Variants in OR2L13 observed in about 807,000 individuals in gnomAD.
The protein encoded by OR2L13 is olfactory receptor family 2 subfamily L member 13.
Under a neutral mutation model 15.3 loss-of-function variants are expected in OR2L13, and 14 were observed. That is an observed-to-expected ratio of 0.91 (90% CI 0.60 to 1.43). OR2L13 has a LOEUF of 1.43. OR2L13 is among the 40% of genes most tolerant of loss of function. OR2L13 has a pLI of 0.00. For synonymous variants in OR2L13, 152 were observed against 142.9 expected, an observed-to-expected ratio of 1.06 and a Z score of -0.45; for missense variants, 367 against 387.9, an observed-to-expected ratio of 0.95 and a Z score of 0.45.
the OR2L13 span, among the ~76,000 whole-genome samples, chr1:248,072,350 C>G: frequency 6.6e-6 from 1 of 152,188 alleles, no homozygotes; most frequent in African/African-American, 2.4e-5. Context: ...TGATCTTTGA[C>G]AAACCTGAGA....
At chr1:248,068,910 G>C in the OR2L13 span, among the ~76,000 whole-genome samples, 10 of 152,224 alleles carry the variant, frequency 6.6e-5, no homozygotes, top group Admixed American at 6.5e-5. Context: ...GAAGTGAGAA[G>C]GGAAGTTTAG....
the OR2L13 span, among the ~76,000 whole-genome samples, chr1:247,956,387 A>G: frequency 6.6e-6 from 1 of 151,684 alleles, no homozygotes; most frequent in African/African-American, 2.4e-5. Flanking sequence ...TGATGCCTCC[A>G]GCTTTGTTCT....
the OR2L13 span, chr1:248,022,386 T>C: frequency 6.2e-7 from 1 of 1,614,136 alleles, no homozygotes; most frequent in Non-Finnish European, 8.5e-7. Context: ...GATAACAGGA[T>C]CTTGGATGAT....
chr1:247,998,497 C>T, the OR2L13 span, among the ~76,000 whole-genome samples: 1 of 152,044 alleles, frequency 6.6e-6, no homozygotes, highest in Non-Finnish European at 1.5e-5. Flanking sequence ...ATGTCATGCT[C>T]ATTATAATCT....
the OR2L13 span, among the ~76,000 whole-genome samples, chr1:248,044,630 C>T: frequency 1.7e-5 from 2 of 119,612 alleles, 1 homozygote; most frequent in East Asian, 4.9e-4. Flanking sequence ...GGTGAAACCC[C>T]GTCTCTACTA....
the OR2L13 span, among the ~76,000 whole-genome samples, chr1:247,973,031 G>C: frequency 6.6e-6 from 1 of 152,138 alleles, no homozygotes; most frequent in Non-Finnish European, 1.5e-5. Context: ...AAAACCACAT[G>C]ATTATCTTGA....
chr1:248,071,258 C>T, the OR2L13 span, among the ~76,000 whole-genome samples: 2 of 152,090 alleles, frequency 1.3e-5, no homozygotes, highest in Non-Finnish European at 2.9e-5. Flanking sequence ...TCCAGCAGCA[C>T]ATCAAAAAGC....
chr1:247,997,586 G>A, the OR2L13 span, among the ~76,000 whole-genome samples: 1 of 152,162 alleles, frequency 6.6e-6, no homozygotes. Flanking sequence ...ATTAGTGAAT[G>A]CAGACACATT....
At chr1:248,026,601 G>C in the OR2L13 span, among the ~76,000 whole-genome samples, 7 of 152,160 alleles carry the variant, frequency 4.6e-5, no homozygotes, top group Admixed American at 4.6e-4. Flanking sequence ...CGGGAAGTCA[G>C]GACCCCGAAT....
chr1:248,095,712 T>TTCTTCTGCC, upstream of OR2L13, among the ~76,000 whole-genome samples: 1 of 147,196 alleles, frequency 6.8e-6, no homozygotes, highest in Non-Finnish European at 1.5e-5. Context: ...GTTCAAGTGA[T>TTCTTCTGCC]TCTTCTGCCT....
chr1:247,980,065 A>T, the OR2L13 span, among the ~76,000 whole-genome samples: 1 of 152,128 alleles, frequency 6.6e-6, no homozygotes, highest in African/African-American at 2.4e-5. Flanking sequence ...AAATGGACTA[A>T]TGTTACTTTT....
chr1:248,033,609 GT>G, the OR2L13 span, among the ~76,000 whole-genome samples: 117,856 of 136,122 alleles, frequency 0.87, 51,292 homozygotes, highest in South Asian at 0.93. Context: ...GCTAATTTTT[GT>G]TTTTTTTTTT....
Position 248,099,633 on chromosome 1 carries a change from C to T in OR2L13, c.258C>T (p.Ser86=), listed in dbSNP as rs548586823. Residue 86 remains serine, a synonymous_variant, in exon 3 of 3, where the codon TCC becomes TCT. Coordinates refer to ENST00000641714, the Ensembl canonical transcript of OR2L13. Reference sequence around the variant, plus strand: ...CCAAGATGGCGTACAACTTCCTGTCCGGCCAGAAAGGCATCTCCTTCCTGG... The same window carrying T: ...CCAAGATGGCGTACAACTTCCTGTCTGGCCAGAAAGGCATCTCCTTCCTGG... 259 of 1,614,072 alleles carry T rather than the reference C, an allele frequency of 1.6e-4. 2 individuals carry two copies. The South Asian group carries it at 2.5e-3, about 16-fold the overall frequency.
chr1:247,967,480 T>C, the OR2L13 span, among the ~76,000 whole-genome samples: 3 of 152,130 alleles, frequency 2.0e-5, no homozygotes, highest in African/African-American at 7.2e-5. Flanking sequence ...CCTTCTGCCT[T>C]GGCCTCCCAA....
At chr1:248,100,217 C>G in exon 3 of OR2L13, 6 of 1,613,096 alleles carry the variant, frequency 3.7e-6, no homozygotes, top group Non-Finnish European at 5.1e-6. Context: ...ACCATCCTTA[C>G]CCCCATGCTC....
the OR2L13 span, among the ~76,000 whole-genome samples, chr1:248,087,142 A>G: frequency 6.6e-6 from 1 of 152,122 alleles, no homozygotes; most frequent in Non-Finnish European, 1.5e-5. Flanking sequence ...CAGTGTCTCT[A>G]TGTCCACAAG....
the OR2L13 span, among the ~76,000 whole-genome samples, chr1:247,944,048 T>C: frequency 6.6e-6 from 1 of 152,276 alleles, no homozygotes; most frequent in South Asian, 2.1e-4. Context: ...TATGTCTGGC[T>C]TTGTGCCAGT....
chr1:248,097,567 CA>C (rs1664765444), intron 1 of OR2L13, among the ~76,000 whole-genome samples: 1 of 152,124 alleles, frequency 6.6e-6, no homozygotes, highest in South Asian at 2.1e-4. Flanking sequence ...TTTTTGGAAA[CA>C]AAATCATTAT....
the OR2L13 span, among the ~76,000 whole-genome samples, chr1:248,035,903 T>G: frequency 5.9e-5 from 9 of 152,176 alleles, no homozygotes; most frequent in Non-Finnish European, 1.2e-4. Flanking sequence ...ATTAAATACA[T>G]AAAATATATA....
Sources: gnomAD v4.1 joint callset for allele counts (sites outside exome capture counted in the v4.1 genomes callset) on GRCh38, gnomAD v4.1.1 for gene constraint, MANE v1.5 for transcripts, NCBI Gene and HGNC (gene_info 2026-07-23, HGNC 2026-07-21) for gene names.